SLC14A2: variants seen among roughly 807,000 people sequenced by gnomAD.
SLC14A2 encodes urea transporter 2.
SLC14A2 carries 91 observed loss-of-function variants against 104.6 expected under a neutral mutation model. The observed-to-expected ratio is 0.87, with a 90% CI of 0.73 to 1.04. SLC14A2 has a LOEUF of 1.04. SLC14A2 is among the 50% of genes least tolerant of loss of function. The pLI is 0.00. For missense variants in SLC14A2, 1,189 were observed against 1,156.0 expected (o/e 1.03, Z -0.41); for synonymous variants, 476 against 466.4 (o/e 1.02, Z -0.27).
the SLC14A2 span, among the ~76,000 whole-genome samples, chr18:45,194,280 T>C: frequency 6.6e-6 from 1 of 152,216 alleles, no homozygotes; most frequent in Non-Finnish European, 1.5e-5. Context: ...TTCCTGATCC[T>C]AGGGAGAAAG....
chr18:45,459,213 C>T (rs16978378), intron 1 of SLC14A2, among the ~76,000 whole-genome samples: 16 of 152,176 alleles, frequency 1.1e-4, no homozygotes, highest in Admixed American at 3.3e-4. Flanking sequence ...CCTTTCCAAG[C>T]GCTAAGCAAA....
chr18:45,282,552 C>A (rs1214044734), intron 1 of SLC14A2, among the ~76,000 whole-genome samples: 1 of 152,120 alleles, frequency 6.6e-6, no homozygotes, highest in Non-Finnish European at 1.5e-5. Flanking sequence ...ATGGAGGACA[C>A]AGGACTGTCA....
At chr18:45,225,507 A>G (rs910053396) in intron 1 of SLC14A2, among the ~76,000 whole-genome samples, 1 of 152,152 alleles carries the variant, frequency 6.6e-6, no homozygotes, top group African/African-American at 2.4e-5. Context: ...ACTTTAAGGT[A>G]GTTTTTTCCA....
At chr18:45,398,393 A>G (rs1244186313) in intron 1 of SLC14A2, among the ~76,000 whole-genome samples, 2 of 152,198 alleles carry the variant, frequency 1.3e-5, no homozygotes, top group African/African-American at 4.8e-5. Flanking sequence ...AGACAAGGTT[A>G]TTATCAGAAA....
At chr18:45,555,051 C>T (rs1451651687) in intron 2 of SLC14A2, among the ~76,000 whole-genome samples, 2 of 152,170 alleles carry the variant, frequency 1.3e-5, no homozygotes, top group Middle Eastern at 3.2e-3. Context: ...GTAGTAGTTG[C>T]TCAATAAATA....
chr18:45,189,161 C>G, the SLC14A2 span, among the ~76,000 whole-genome samples: 2 of 152,142 alleles, frequency 1.3e-5, no homozygotes, highest in South Asian at 4.1e-4. Flanking sequence ...ATGAAAGATA[C>G]TGACAAATAT....
At chr18:45,327,848 G>A (rs938061485) in intron 1 of SLC14A2, among the ~76,000 whole-genome samples, 1 of 152,154 alleles carries the variant, frequency 6.6e-6, no homozygotes, top group African/African-American at 2.4e-5. Flanking sequence ...AGTGAGCGAA[G>A]GGAATGATAA....
At chr18:45,633,598 G>A (rs1195164265) in intron 5 of SLC14A2, among the ~76,000 whole-genome samples, 1 of 152,138 alleles carries the variant, frequency 6.6e-6, no homozygotes, top group Non-Finnish European at 1.5e-5. Flanking sequence ...GTGAACCTTT[G>A]TCCCCCAGAC....
intron 2 of SLC14A2, among the ~76,000 whole-genome samples, chr18:45,541,954 C>T (rs1350728879): frequency 6.9e-6 from 1 of 144,624 alleles, no homozygotes; most frequent in Non-Finnish European, 1.5e-5. Context: ...ACAGAGACCT[C>T]TTGCTGACAG....
chr18:45,478,868 G>T (rs754190949), intron 1 of SLC14A2, among the ~76,000 whole-genome samples: 2 of 152,006 alleles, frequency 1.3e-5, no homozygotes, highest in Non-Finnish European at 2.9e-5. Flanking sequence ...AGCTTAAATA[G>T]AATTTTTAAG....
At chr18:45,413,410 A>G (rs961639647) in intron 1 of SLC14A2, among the ~76,000 whole-genome samples, 1 of 152,170 alleles carries the variant, frequency 6.6e-6, no homozygotes, top group Non-Finnish European at 1.5e-5. Context: ...GAGGAGGCCA[A>G]TGAAGGTGGT....
chr18:45,479,451 C>T (rs2087450578), intron 1 of SLC14A2, among the ~76,000 whole-genome samples: 1 of 152,180 alleles, frequency 6.6e-6, no homozygotes. Context: ...TTCCTTGCAA[C>T]AGCGTAATAA....
At chr18:45,581,844 C>A (rs2044497532) in intron 2 of SLC14A2, among the ~76,000 whole-genome samples, 1 of 151,768 alleles carries the variant, frequency 6.6e-6, no homozygotes, top group Non-Finnish European at 1.5e-5. Context: ...AGAATCACAG[C>A]CTGATCTGTT....
At chr18:45,209,658 T>A (rs1177716765), upstream of SLC14A2, among the ~76,000 whole-genome samples, 1 of 152,158 alleles carries the variant, frequency 6.6e-6, no homozygotes. Flanking sequence ...TAGAATCTAA[T>A]GTGTAACCTT....
rs112604718 is a variant in SLC14A2, at chr18:45,218,426, G to C, written c.-125+5235G>C. Reference sequence around the variant, plus strand: ...TCTCTCACCTCAAGTTGATGAAGAAGATAAAATGCTTGTTACTGTCCAATC... The same window carrying C: ...TCTCTCACCTCAAGTTGATGAAGAACATAAAATGCTTGTTACTGTCCAATC... On this transcript the variant is annotated intron_variant, in intron 1 of 20. Coordinates refer to the SLC14A2 transcript ENST00000586448. 6.4e-4 allele frequency among the ~76,000 whole-genome samples: 98 copies of C among 152,302 alleles called. 1 individual carries two copies. The highest frequency in any genetic ancestry group is 3.7e-3 in the South Asian group (18 of 4,826).
chr18:45,395,112 C>T (rs2086014431), intron 1 of SLC14A2, among the ~76,000 whole-genome samples: 1 of 151,944 alleles, frequency 6.6e-6, no homozygotes, highest in Admixed American at 6.6e-5. Context: ...TTCACAATAG[C>T]CAAGAGATGG....
At position 45,416,039 on chromosome 18, in the gene SLC14A2, T is replaced by A. The variant is rs77026859; in HGVS notation, c.-124-67194T>A. 1.3e-4 allele frequency among the ~76,000 whole-genome samples: 20 copies of A among 152,282 alleles called. No individual in the cohort carries two copies. In the East Asian group the frequency reaches 3.9e-3, roughly 29 times the overall value. On this transcript the variant is annotated intron_variant, in intron 1 of 20. Coordinates refer to the SLC14A2 transcript ENST00000586448. ...TTATTTTTGTCACTCCTGGTGCTAA[T>A]GATGACCTATATTCTCTACCATAAT...
In SLC14A2 at chr18:45,426,317, C is replaced by T. The variant is rs886753808; in HGVS notation, c.-124-56916C>T. Among the ~76,000 whole-genome samples, 8 of 151,968 alleles carry T rather than the reference C, an allele frequency of 5.3e-5. No individual in the cohort carries two copies. The East Asian group carries it at 5.8e-4, about 11-fold the overall frequency. ...TTGAATTTGGAGCTAAGTTACAAAG[C>T]GTGTAATCATCTAACTTATCGAGTG... is the stretch of plus-strand genomic sequence containing the variant. On this transcript the variant is annotated intron_variant, in intron 1 of 20. Coordinates refer to the SLC14A2 transcript ENST00000586448.
At chr18:45,249,419 T>C (rs983451262) in intron 1 of SLC14A2, among the ~76,000 whole-genome samples, 2 of 146,402 alleles carry the variant, frequency 1.4e-5, no homozygotes, top group South Asian at 4.3e-4. Context: ...CTAAGCATTG[T>C]TTTTTTTTTA....
Sources: allele counts gnomAD v4.1 joint callset (sites outside exome capture counted in the v4.1 genomes callset), GRCh38; gene constraint gnomAD v4.1.1; transcripts MANE v1.5; gene names NCBI Gene and HGNC (gene_info 2026-07-23, HGNC 2026-07-21).